CADPS2: variants seen among roughly 807,000 people sequenced by gnomAD.
CADPS2 encodes the protein calcium-dependent secretion activator 2.
A neutral mutation model predicts 172.5 loss-of-function variants in CADPS2; 93 were observed. The observed-to-expected ratio is 0.54, with a 90% CI of 0.46 to 0.64. The LOEUF (loss-of-function observed/expected upper bound fraction) is 0.64, where lower values mean the gene tolerates loss of function less well. Among genes scored for constraint, CADPS2 ranks in the 30% least tolerant of loss-of-function variants. CADPS2 has a pLI of 0.00. For synonymous variants in CADPS2, 546 were observed against 555.2 expected, an observed-to-expected ratio of 0.98 and a Z score of 0.23; for missense variants, 1,420 against 1,565.9, an observed-to-expected ratio of 0.91 and a Z score of 1.57.
At chr7:122,366,291 C>G (rs866156968) in intron 25 of CADPS2, among the ~76,000 whole-genome samples, 12 of 151,420 alleles carry the variant, frequency 7.9e-5, no homozygotes, top group African/African-American at 2.9e-4. Flanking sequence ...TAAATCAGAA[C>G]GTTAATATAT....
chr7:122,328,989 A>AGG (rs1221398198), intron 28 of CADPS2, among the ~76,000 whole-genome samples: 4 of 152,166 alleles, frequency 2.6e-5, no homozygotes, highest in Non-Finnish European at 4.4e-5. Flanking sequence ...AGGGCTCAGA[A>AGG]GGTGGTATTG....
In CADPS2 at chr7:122,418,408, T is replaced by C. The variant is rs1289651744; in HGVS notation, c.2477-2244A>G. ...GGCTGGAGTAAGAATGTGCTAAGAA[T>C]GATGGGTGATTATGGGAGACTTTAA... On this transcript the variant is annotated intron_variant, in intron 17 of 29. Transcript: ENST00000449022. Among the ~76,000 whole-genome samples, 4 of 152,158 alleles carry C rather than the reference T, an allele frequency of 2.6e-5. No homozygotes were observed. The East Asian group carries it at 7.7e-4, about 29-fold the overall frequency.
At chr7:122,415,202 C>A (rs1419669695) in intron 18 of CADPS2, among the ~76,000 whole-genome samples, 1 of 152,084 alleles carries the variant, frequency 6.6e-6, no homozygotes, top group South Asian at 2.1e-4. Flanking sequence ...ATGTTGAGAG[C>A]GAAAGCCTAG....
At chr7:122,721,486 C>A (rs1197240934) in intron 2 of CADPS2, among the ~76,000 whole-genome samples, 1 of 152,010 alleles carries the variant, frequency 6.6e-6, no homozygotes, top group African/African-American at 2.4e-5. Flanking sequence ...AAGACTAAAG[C>A]AGGAAGAAGT....
rs972252264 is a variant in CADPS2, at chr7:122,700,468, A to G, written c.453+36487T>C. Reference sequence around the variant, plus strand: ...ATTTTATTTTCATACATCCCTGCACATTTTAAAAGGTAGTATATGGTGTGT... The same window carrying G: ...ATTTTATTTTCATACATCCCTGCACGTTTTAAAAGGTAGTATATGGTGTGT... On this transcript the variant is annotated intron_variant, in intron 2 of 29. Coordinates refer to ENST00000449022, the MANE Select transcript of CADPS2 (RefSeq NM_017954.11). Among the ~76,000 whole-genome samples, 5 of 152,154 alleles carry G rather than the reference A, an allele frequency of 3.3e-5. No individual in the cohort carries two copies. The South Asian group carries it at 6.2e-4, about 19-fold the overall frequency.
chr7:122,519,089 T>C (rs532249036), intron 8 of CADPS2, among the ~76,000 whole-genome samples: 58 of 150,650 alleles, frequency 3.8e-4, no homozygotes, highest in African/African-American at 1.2e-3. Context: ...GGCCCTGGGT[T>C]GGGGCGGGGG....
chr7:122,497,093 C>G (rs985846701), intron 9 of CADPS2, among the ~76,000 whole-genome samples: 1 of 151,970 alleles, frequency 6.6e-6, no homozygotes, highest in African/African-American at 2.4e-5. Context: ...AAATCTGATA[C>G]TGCTTTTTGC....
chr7:122,447,543 A>ATTTTTTTTTTTTTTTTTTTTTTTTTTTTT lies in CADPS2; in HGVS notation c.2288+3830_2288+3831insAAAAAAAAAAAAAAAAAAAAAAAAAAAAA, dbSNP rs1159112244. Reference sequence around the variant, plus strand: ...CCATGTTGATTTCTTGTTTCGGGGAATTTTTTTTTTTTTTTTTTTTTTTTT... The same window carrying ATTTTTTTTTTTTTTTTTTTTTTTTTTTTT: ...CCATGTTGATTTCTTGTTTCGGGGAATTTTTTTTTTTTTTTTTTTTTTTTTTTTTTTTTTTTTTTTTTTTTTTTTTTTTT... On this transcript the variant is annotated intron_variant, in intron 15 of 29. Transcript: ENST00000449022. Among the ~76,000 whole-genome samples the ATTTTTTTTTTTTTTTTTTTTTTTTTTTTT allele has an allele frequency of 1.2e-3, 105 of 89,798 alleles. 15 individuals are homozygous for ATTTTTTTTTTTTTTTTTTTTTTTTTTTTT. Among genetic ancestry groups the ATTTTTTTTTTTTTTTTTTTTTTTTTTTTT allele is most frequent in the East Asian group, 2.3e-3 (6 of 2,594 alleles). The allele number at this position is 89,798 out of a possible 152,430, so 58.9% of individuals were successfully genotyped here.
At chr7:122,537,351 G>A (rs1351351798) in intron 8 of CADPS2, among the ~76,000 whole-genome samples, 1 of 150,716 alleles carries the variant, frequency 6.6e-6, no homozygotes, top group Non-Finnish European at 1.5e-5. Flanking sequence ...CTACATAACA[G>A]AGGAAAAATT....
At chr7:122,424,278 G>C in intron 17 of CADPS2, 1 of 932,792 alleles carries the variant, frequency 1.1e-6, no homozygotes, top group Non-Finnish European at 1.3e-6. Context: ...TAATAATATA[G>C]TGCTTTGGAA....
At chr7:122,561,758 A>C (rs934588144) in intron 7 of CADPS2, among the ~76,000 whole-genome samples, 1 of 152,092 alleles carries the variant, frequency 6.6e-6, no homozygotes, top group Non-Finnish European at 1.5e-5. Context: ...ATACATAGTG[A>C]ACTGATCACT....
chr7:122,660,752 T>C (rs13226382), intron 3 of CADPS2, among the ~76,000 whole-genome samples: 7,759 of 151,666 alleles, frequency 0.051, 259 homozygotes, highest in African/African-American at 0.059. Context: ...CTACTAAAAA[T>C]ACAAAAATTA....
At chr7:122,540,268 C>T (rs1356158638) in intron 8 of CADPS2, among the ~76,000 whole-genome samples, 2 of 151,902 alleles carry the variant, frequency 1.3e-5, no homozygotes, top group Admixed American at 6.6e-5. Flanking sequence ...AATACCGATA[C>T]CCCAGAAATC....
chr7:122,869,107 G>A (rs1470762400), intron 1 of CADPS2, among the ~76,000 whole-genome samples: 6 of 151,976 alleles, frequency 3.9e-5, no homozygotes, highest in African/African-American at 1.4e-4. Flanking sequence ...GTACCAGAGG[G>A]AGAAAAGAAA....
intron 3 of CADPS2, among the ~76,000 whole-genome samples, chr7:122,655,319 A>T (rs2079614475): frequency 6.6e-6 from 1 of 152,176 alleles, no homozygotes; most frequent in South Asian, 2.1e-4. Context: ...CTATTCAGAA[A>T]TCTTTTGTGA....
intron 13 of CADPS2, among the ~76,000 whole-genome samples, chr7:122,472,918 C>T (rs544805242): frequency 1.3e-5 from 2 of 151,888 alleles, no homozygotes; most frequent in Non-Finnish European, 2.9e-5. Context: ...AATGGGGGGG[C>T]GCATTTTGTC....
chr7:122,783,770 C>T (rs1375979670), intron 1 of CADPS2, among the ~76,000 whole-genome samples: 18 of 152,176 alleles, frequency 1.2e-4, no homozygotes, highest in Admixed American at 1.1e-3. Flanking sequence ...AACTGAGGTA[C>T]ATCAAAGGTT....
chr7:122,613,971 T>G (rs951528107), intron 6 of CADPS2, among the ~76,000 whole-genome samples: 2 of 151,860 alleles, frequency 1.3e-5, no homozygotes, highest in African/African-American at 4.8e-5. Context: ...AATGTACACC[T>G]CCCACTGGGT....
intron 1 of CADPS2, among the ~76,000 whole-genome samples, chr7:122,783,837 T>A (rs900487921): frequency 6.6e-6 from 1 of 152,228 alleles, no homozygotes; most frequent in African/African-American, 2.4e-5. Flanking sequence ...CGCCTTCCTT[T>A]GTACCAACTT....
Sources: allele counts gnomAD v4.1 joint callset (sites outside exome capture counted in the v4.1 genomes callset), GRCh38; gene constraint gnomAD v4.1.1; transcripts MANE v1.5; gene names NCBI Gene and HGNC (gene_info 2026-07-23, HGNC 2026-07-21).